FARS2: variants seen among roughly 807,000 people sequenced by gnomAD.
FARS2 encodes phenylalanine--tRNA ligase, mitochondrial.
Under a neutral mutation model 46.4 loss-of-function variants are expected in FARS2, and 40 were observed. The observed-to-expected ratio is 0.86, with a 90% CI of 0.67 to 1.12. The LOEUF (loss-of-function observed/expected upper bound fraction) is 1.12, where lower values mean the gene tolerates loss of function less well. Among genes scored for constraint, FARS2 ranks in the 50% most tolerant of loss-of-function variants. The pLI, the probability that FARS2 is intolerant of heterozygous loss-of-function variation, is 0.00. For missense variants in FARS2, 513 were observed against 567.9 expected (o/e 0.90, Z 0.98); for synonymous variants, 234 against 214.9 (o/e 1.09, Z -0.78).
intron 1 of FARS2, among the ~76,000 whole-genome samples, chr6:5,274,831 C>G (rs1460399090): frequency 1.3e-5 from 2 of 152,210 alleles, no homozygotes; most frequent in African/African-American, 4.8e-5. Context: ...CTGCATCAGC[C>G]TCCCAAGTAG....
chr6:5,435,285 T>C (rs1043736081), intron 4 of FARS2, among the ~76,000 whole-genome samples: 1 of 152,272 alleles, frequency 6.6e-6, no homozygotes, highest in Non-Finnish European at 1.5e-5. Flanking sequence ...TTATTTGTTC[T>C]GTAGTTACCT....
At chr6:5,532,940 A>G (rs1307342078) in intron 4 of FARS2, among the ~76,000 whole-genome samples, 1 of 152,176 alleles carries the variant, frequency 6.6e-6, no homozygotes, top group African/African-American at 2.4e-5. Flanking sequence ...TTACAATAAT[A>G]CAAAACTTTT....
intron 6 of FARS2, among the ~76,000 whole-genome samples, chr6:5,696,346 A>G (rs1359097043): frequency 6.6e-6 from 1 of 152,198 alleles, no homozygotes; most frequent in African/African-American, 2.4e-5. Context: ...ATCTTGTTTT[A>G]TATTTTAGCA....
intron 5 of FARS2, among the ~76,000 whole-genome samples, chr6:5,569,783 G>C (rs1223568112): frequency 6.6e-6 from 1 of 152,118 alleles, no homozygotes; most frequent in East Asian, 1.9e-4. Flanking sequence ...ATATTGTTAT[G>C]GGGGAGAGGT....
chr6:5,731,178 A>G (rs184906076), intron 6 of FARS2, among the ~76,000 whole-genome samples: 2 of 152,338 alleles, frequency 1.3e-5, no homozygotes, highest in East Asian at 3.9e-4. Context: ...TAAAAGAGGC[A>G]TAAAGAAACT....
intron 2 of FARS2, among the ~76,000 whole-genome samples, chr6:5,400,551 T>G (rs1030081869): frequency 6.6e-6 from 1 of 152,008 alleles, no homozygotes; most frequent in Non-Finnish European, 1.5e-5. Flanking sequence ...TGTGATCAAT[T>G]TTTGTTAATA....
intron 1 of FARS2, among the ~76,000 whole-genome samples, chr6:5,328,057 A>T (rs58845080): frequency 0.016 from 2,511 of 152,324 alleles, 64 homozygotes; most frequent in African/African-American, 0.057. Context: ...GTAAAAGAGT[A>T]CCTGCAATTC....
Position 5,727,119 on chromosome 6 carries a change from T to A in FARS2, c.1218-44172T>A, listed in dbSNP as rs1760317593. 6.6e-6 allele frequency among the ~76,000 whole-genome samples: 1 copy of A among 152,098 alleles called. No individual in the cohort carries two copies. Among genetic ancestry groups the A allele is most frequent in the African/African-American group, 2.4e-5 (1 of 41,406 alleles). On this transcript the variant is annotated intron_variant, in intron 6 of 6. Transcript: ENST00000274680. This position sits in a 1 kb window ranked among gnomAD's most constrained non-coding sequence, Gnocchi z 4.1. ...ACCTTCCTCACCGGGCTGTTACTGG[T>A]AGGAAAAGCGTGACTGCAGTGCATG...
chr6:5,707,593 A>G (rs746826239), intron 6 of FARS2, among the ~76,000 whole-genome samples: 4 of 152,208 alleles, frequency 2.6e-5, no homozygotes, highest in Non-Finnish European at 4.4e-5. Flanking sequence ...GCTCCCTCTC[A>G]TTTCACATTT....
intron 6 of FARS2, among the ~76,000 whole-genome samples, chr6:5,663,477 G>A (rs1777946549): frequency 6.6e-6 from 1 of 152,166 alleles, no homozygotes; most frequent in African/African-American, 2.4e-5. Context: ...GACAGGGCTT[G>A]CCTTTGGGGC....
intron 4 of FARS2, among the ~76,000 whole-genome samples, chr6:5,448,353 C>T (rs1764292133): frequency 6.6e-6 from 1 of 152,136 alleles, no homozygotes; most frequent in Non-Finnish European, 1.5e-5. Flanking sequence ...AGTGTGTACA[C>T]TCTCCCTCCC....
chr6:5,628,020 A>G (rs1299616505), intron 6 of FARS2, among the ~76,000 whole-genome samples: 1 of 151,982 alleles, frequency 6.6e-6, no homozygotes, highest in Non-Finnish European at 1.5e-5. Context: ...GGAAAAAAGG[A>G]AACAAAAAGA....
At chr6:5,332,122 G>C (rs1770839312) in intron 1 of FARS2, among the ~76,000 whole-genome samples, 3 of 152,122 alleles carry the variant, frequency 2.0e-5, no homozygotes, top group Non-Finnish European at 4.4e-5. Context: ...GGTTAAATTT[G>C]GGAAGTACCA....
At chr6:5,649,577 A>G (rs574004954) in intron 6 of FARS2, among the ~76,000 whole-genome samples, 1 of 152,234 alleles carries the variant, frequency 6.6e-6, no homozygotes, top group African/African-American at 2.4e-5. Context: ...ACCAGACCAG[A>G]TATTATACTT....
At chr6:5,732,205 C>T (rs771887589) in intron 6 of FARS2, among the ~76,000 whole-genome samples, 3 of 152,196 alleles carry the variant, frequency 2.0e-5, no homozygotes, top group Non-Finnish European at 4.4e-5. Context: ...AATGAACAGT[C>T]GTTGAAAGTG....
At chr6:5,297,681 A>ACAG (rs1395417460) in intron 1 of FARS2, among the ~76,000 whole-genome samples, 3 of 151,850 alleles carry the variant, frequency 2.0e-5, no homozygotes, top group African/African-American at 7.3e-5. Flanking sequence ...ACCCAAAAGA[A>ACAG]CAGCAACAGC....
intron 4 of FARS2, among the ~76,000 whole-genome samples, chr6:5,435,957 A>T (rs1460881863): frequency 6.6e-6 from 1 of 152,244 alleles, no homozygotes; most frequent in Non-Finnish European, 1.5e-5. Flanking sequence ...AAGGATCATT[A>T]TTGGCTTGCT....
intron 6 of FARS2, among the ~76,000 whole-genome samples, chr6:5,649,919 A>G (rs373098803): frequency 3.3e-5 from 5 of 152,308 alleles, no homozygotes; most frequent in South Asian, 4.1e-4. Context: ...TGCCTTTTTG[A>G]TAAAAAGACC....
chr6:5,620,919 T>C (rs1022289751), intron 6 of FARS2, among the ~76,000 whole-genome samples: 3 of 152,260 alleles, frequency 2.0e-5, no homozygotes, highest in Non-Finnish European at 4.4e-5. Context: ...TTCTTACACA[T>C]CCTTCTTTAT....
Sources: allele counts gnomAD v4.1 joint callset (sites outside exome capture counted in the v4.1 genomes callset), GRCh38; gene constraint gnomAD v4.1.1; non-coding constraint Gnocchi (gnomAD v3.1); transcripts MANE v1.5; gene names NCBI Gene and HGNC (gene_info 2026-07-23, HGNC 2026-07-21).